RAVER1: variants seen among roughly 807,000 people sequenced by gnomAD.
The protein encoded by RAVER1 is ribonucleoprotein, PTB binding 1.
Under a neutral mutation model 68.4 loss-of-function variants are expected in RAVER1, and 36 were observed. That is an observed-to-expected ratio of 0.53 (90% CI 0.40 to 0.70). The LOEUF is 0.70. RAVER1 is among the 30% of genes least tolerant of loss of function. The probability of loss-of-function intolerance (pLI) is 0.00; values close to 1 mark genes in which losing one functional copy is unlikely to be tolerated. For synonymous variants in RAVER1, 469 were observed against 472.7 expected (o/e 0.99, Z 0.10); for missense variants, 933 against 1,019.8 (o/e 0.91, Z 1.16).
At chr19:10,320,607 G>A in intron 9 of RAVER1, 48 bp downstream of exon 9, 1 of 1,485,664 alleles carries the variant, frequency 6.7e-7, no homozygotes, top group South Asian at 1.3e-5. Flanking sequence ...TATCAGTTTG[G>A]AGAATGATTT....
Position 10,317,744 on chromosome 19 carries a change from T to C in RAVER1, c.2019A>G (p.Gly673=), listed in dbSNP as rs1331979825. The part of the protein sequence containing the change: ...KAIGSSPLGS[G]EGLLGLSPGP... The stretch of plus-strand genomic sequence containing the variant: ...CGGGGCTGAGGCCCAGGAGCCCTTC[T>C]CCGGACCCCAGCGGGGAAGAGCCGA... Residue 673 remains glycine, a synonymous_variant, in exon 12 of 13, where the codon GGA becomes GGG. Coordinates refer to ENST00000617231, the MANE Select transcript of RAVER1 (RefSeq NM_133452.3). This position sits in a 1 kb window ranked among gnomAD's most constrained non-coding sequence, Gnocchi z 4.3. 6.3e-7 allele frequency: 1 copy of C among 1,596,108 alleles called. No homozygotes were observed. The highest frequency in any genetic ancestry group is 1.7e-5 in the Admixed American group (1 of 58,446).
At chr19:10,327,170 G>A (rs2040481724) in intron 3 of RAVER1, among the ~76,000 whole-genome samples, 1 of 151,726 alleles carries the variant, frequency 6.6e-6, no homozygotes, top group Admixed American at 6.6e-5. Context: ...CCTCCCAACA[G>A]ACACCTAGTT....
rs1304194081 is a variant in RAVER1 at position 10,322,698 on chromosome 19, G to A, written c.1120C>T (p.Pro374Ser). 3 of 1,534,104 alleles carry A rather than the reference G, an allele frequency of 2.0e-6. No homozygotes were observed. The highest frequency in any genetic ancestry group is 2.6e-6 in the Non-Finnish European group (3 of 1,151,134). The change falls in exon 6 of 13, where the codon CCA becomes TCA. Residue 374 changes from proline (P) to serine (S), a missense_variant. Pro to Ser is a moderately conservative substitution (Grantham distance 74). Around this residue, in one of 3 missense-constraint regions of RAVER1, gnomAD observed 699 missense variants for 731.1 expected, o/e 0.96. Coordinates refer to ENST00000617231, the MANE Select transcript of RAVER1 (RefSeq NM_133452.3). The surrounding 1 kb of genome is among the most constrained non-coding windows in gnomAD (Gnocchi z 4.3). ...TGCAACAGCGCCGTGGACAGGGCTG[G>A]CCCATTGAGCAGCGGCATGGCTGGG... The part of the protein sequence containing the change: ...APPAMPLLNG[P>S]ALSTALLQLA...
chr19:10,327,491 G>A (rs970755354), intron 3 of RAVER1, among the ~76,000 whole-genome samples: 1 of 152,078 alleles, frequency 6.6e-6, no homozygotes, highest in Non-Finnish European at 1.5e-5. Context: ...GGGCTCGAGG[G>A]ATCCGCCCGC....
In RAVER1 at chr19:10,333,032, C is replaced by T. The variant is rs891356675; in HGVS notation, c.219+257G>A. On this transcript the variant is annotated intron_variant, in intron 1 of 12. Coordinates refer to ENST00000617231, the MANE Select transcript of RAVER1 (RefSeq NM_133452.3). This position sits in a 1 kb window ranked among gnomAD's most constrained non-coding sequence, Gnocchi z 4.2. ...GCTGTCCGCCCCCTTCCATTCCCCG[C>T]CCGCTTCCATCACTTGGTGTCGCCC... is the stretch of plus-strand genomic sequence containing the variant. Among the ~76,000 whole-genome samples the T allele has an allele frequency of 7.2e-5, 11 of 152,074 alleles. No individual in the cohort carries two copies. Among genetic ancestry groups the T allele is most frequent in the African/African-American group, 2.7e-4 (11 of 41,418 alleles).
Position 10,329,661 on chromosome 19 carries a change from C to T in RAVER1, c.287-550G>A, listed in dbSNP as rs2040499893. ...CCACCCCTGCCACCTTTCCAGGCCA[C>T]CAGTGCCCCTGAACCCTGCTGCCAC... is the stretch of plus-strand genomic sequence containing the variant. On this transcript the variant is annotated intron_variant, in intron 2 of 12. Transcript: ENST00000617231. The surrounding 1 kb of genome is among the most constrained non-coding windows in gnomAD (Gnocchi z 4.6). Among the ~76,000 whole-genome samples, 1 of 152,202 alleles carries T rather than the reference C, an allele frequency of 6.6e-6. No individual in the cohort carries two copies. The highest frequency in any genetic ancestry group is 1.5e-5 in the Non-Finnish European group (1 of 68,038).
chr19:10,325,026 A>ATT (rs34470520), intron 3 of RAVER1, among the ~76,000 whole-genome samples: 1 of 145,450 alleles, frequency 6.9e-6, no homozygotes. Flanking sequence ...TCTTCACATA[A>ATT]TTTTTTTTTT....
intron 3 of RAVER1, among the ~76,000 whole-genome samples, chr19:10,324,362 T>C (rs2040460810): frequency 6.6e-6 from 1 of 152,054 alleles, no homozygotes; most frequent in African/African-American, 2.4e-5. Context: ...AGATCTCCCA[T>C]AACCAAACCT....
chr19:10,327,072 TTTC>T (rs1411204753), intron 3 of RAVER1, among the ~76,000 whole-genome samples: 8 of 151,806 alleles, frequency 5.3e-5, no homozygotes, highest in African/African-American at 1.9e-4. Flanking sequence ...ACCCAGCCTG[TTTC>T]TTGTTTTAAA....
rs2040445963 is a variant in RAVER1 at position 10,322,611 on chromosome 19, G to A, written c.1173+34C>T. On this transcript the variant is annotated intron_variant, in intron 6 of 12. Coordinates refer to ENST00000617231, the MANE Select transcript of RAVER1 (RefSeq NM_133452.3). This position sits in a 1 kb window ranked among gnomAD's most constrained non-coding sequence, Gnocchi z 4.3. ...GTGTTGAAAAGAGCCTGTAGGGGCTGTAGAGCAGTGGGTGAGGGGGATGCG... is the reference window on the plus strand; with the variant it reads ...GTGTTGAAAAGAGCCTGTAGGGGCTATAGAGCAGTGGGTGAGGGGGATGCG... 2 of 1,408,136 alleles carry A rather than the reference G, an allele frequency of 1.4e-6. No homozygotes were observed. Among genetic ancestry groups the A allele is most frequent in the Non-Finnish European group, 1.9e-6 (2 of 1,044,002 alleles). The allele number at this position is 1,408,136 out of a possible 1,614,324, so 87.2% of individuals were successfully genotyped here.
rs975041226 is a variant in RAVER1, at chr19:10,322,064, A to T, written c.1174-446T>A. ...TGTGTCTGTGTGTGTGTGTGCGTGT[A>T]TATCTGTGTCTTTGTTTCTGTGTGC... On this transcript the variant is annotated intron_variant, in intron 6 of 12. Transcript: ENST00000617231. This position sits in a 1 kb window ranked among gnomAD's most constrained non-coding sequence, Gnocchi z 4.3. 15 of 161,000 alleles carry T rather than the reference A, an allele frequency of 9.3e-5. No homozygotes were observed. Among genetic ancestry groups the T allele is most frequent in the Admixed American group, 4.5e-4 (7 of 15,402 alleles). The allele number at this position is 161,000 out of a possible 1,614,324, so 10.0% of individuals were successfully genotyped here.
At chr19:10,325,224 TTTTTG>T (rs1222126950) in intron 3 of RAVER1, among the ~76,000 whole-genome samples, 2 of 151,722 alleles carry the variant, frequency 1.3e-5, no homozygotes, top group African/African-American at 2.4e-5. Context: ...GGGTTTTTGT[TTTTTG>T]TTTTGTTTTT....
At chr19:10,324,095 G>A (rs1236141330) in intron 3 of RAVER1, among the ~76,000 whole-genome samples, 1 of 151,658 alleles carries the variant, frequency 6.6e-6, no homozygotes, top group African/African-American at 2.4e-5. Context: ...CAGAGGTTGC[G>A]GTGGGCCGAG....
chr19:10,333,209 G>C lies in RAVER1; in HGVS notation c.219+80C>G. 7.2e-7 allele frequency: 1 copy of C among 1,394,550 alleles called. No homozygotes were observed. Among genetic ancestry groups the C allele is most frequent in the Non-Finnish European group, 9.8e-7 (1 of 1,025,432 alleles). 86.4% of individuals were successfully genotyped at this position (1,394,550 alleles called of 1,614,324 possible). ...CCGCCAACGACCCCCGCGCACCTCA[G>C]CGTTGGTGTCGCCCGGTTCCCCCCG... is the stretch of plus-strand genomic sequence containing the variant. On this transcript the variant is annotated intron_variant, in intron 1 of 12. Transcript: ENST00000617231. The surrounding 1 kb of genome is among the most constrained non-coding windows in gnomAD (Gnocchi z 4.2).
In RAVER1 at chr19:10,333,429, C is replaced by T. The variant is rs769904543; in HGVS notation, c.79G>A (p.Ala27Thr). 1.9e-5 allele frequency: 31 copies of T among 1,613,234 alleles called. No individual in the cohort carries two copies. Among genetic ancestry groups the T allele is most frequent in the Admixed American group, 3.3e-5 (2 of 60,010 alleles). ...SGAEVEAGDAAERRAPEEELP... is the reference protein window; with the variant it reads ...SGAEVEAGDATERRAPEEELP... ...TCTTCTTCCGGCGCCCGGCGCTCCG[C>T]GGCATCGCCGGCTTCGACTTCGGCC... Residue 27 changes from alanine (A) to threonine (T), a missense_variant, in exon 1 of 13, where the codon GCG (alanine) becomes ACG (threonine). Ala to Thr is a moderately conservative substitution (Grantham distance 58). Coordinates refer to ENST00000617231, the MANE Select transcript of RAVER1 (RefSeq NM_133452.3). The surrounding 1 kb of genome is among the most constrained non-coding windows in gnomAD (Gnocchi z 4.2).
At position 10,329,147 on chromosome 19, in the gene RAVER1, G is replaced by C; in HGVS notation, c.287-36C>G. ...AGGAGGGCAGTGCGAGGTCAGCCGGGCCCTGAGGGCCTGCCCCTCCACCCC... is the reference window on the plus strand; with the variant it reads ...AGGAGGGCAGTGCGAGGTCAGCCGGCCCCTGAGGGCCTGCCCCTCCACCCC... On this transcript the variant is annotated intron_variant, in intron 2 of 12. Coordinates refer to ENST00000617231, the MANE Select transcript of RAVER1 (RefSeq NM_133452.3). The surrounding 1 kb of genome is among the most constrained non-coding windows in gnomAD (Gnocchi z 4.6). 1 of 1,306,696 alleles carries C rather than the reference G, an allele frequency of 7.7e-7. No homozygotes were observed. 80.9% of individuals were successfully genotyped at this position (1,306,696 alleles called of 1,614,324 possible). A position where few individuals can be genotyped will look rare whatever the true frequency, so the allele number is the denominator to read the frequency against.
intron 3 of RAVER1, among the ~76,000 whole-genome samples, chr19:10,325,216 GT>G (rs2040466448): frequency 6.6e-6 from 1 of 151,654 alleles, no homozygotes; most frequent in Admixed American, 6.6e-5. Context: ...TAGAGACAGG[GT>G]TTTTGTTTTT....
rs546091629 is a variant in RAVER1 at position 10,328,601 on chromosome 19, G to A, written c.756+41C>T. The A allele has an allele frequency of 5.1e-5, 70 of 1,381,438 alleles. No homozygotes were observed. In the East Asian group the frequency reaches 5.5e-4, roughly 11 times the overall value. 85.6% of individuals were successfully genotyped at this position (1,381,438 alleles called of 1,614,324 possible). The stretch of plus-strand genomic sequence containing the variant: ...CTCCAAAGACTCTCTCAGGTGCTCC[G>A]GGCCTGGCACCTGCTCCCCAATGCT... On this transcript the variant is annotated intron_variant, in intron 3 of 12. Coordinates refer to ENST00000617231, the MANE Select transcript of RAVER1 (RefSeq NM_133452.3). The surrounding 1 kb of genome is among the most constrained non-coding windows in gnomAD (Gnocchi z 4.4).
Position 10,326,171 on chromosome 19 carries a change from C to T in RAVER1, c.756+2471G>A, listed in dbSNP as rs1211660217. On this transcript the variant is annotated intron_variant, in intron 3 of 12. Coordinates refer to ENST00000617231, the MANE Select transcript of RAVER1 (RefSeq NM_133452.3). ...TCGGGAGGCTGAAGCTGGAGAATCA[C>T]TTGAACCCAGGAGGCGGAGGATGCA... is the stretch of plus-strand genomic sequence containing the variant. Among the ~76,000 whole-genome samples, 76 of 152,320 alleles carry T rather than the reference C, an allele frequency of 5.0e-4. 1 individual carries two copies. The highest frequency in any genetic ancestry group is 1.2e-4 in the Non-Finnish European group (8 of 68,032).
Sources: gnomAD v4.1 joint callset for allele counts (sites outside exome capture counted in the v4.1 genomes callset) on GRCh38, gnomAD v4.1.1 for gene constraint, gnomAD v4.1.1 regional missense constraint, Gnocchi (gnomAD v3.1) non-coding constraint, MANE v1.5 for transcripts, NCBI Gene and HGNC (gene_info 2026-07-23, HGNC 2026-07-21) for gene names.